CAMTA2: variants seen among roughly 807,000 people sequenced by gnomAD.
CAMTA2 encodes calmodulin binding transcription activator 2, also known as calmodulin-binding transcription activator 2.
In CAMTA2, 56 loss-of-function variants were observed where a neutral mutation model predicts 135.7. The ratio of observed to expected loss-of-function variants is 0.41; its 90% CI spans 0.33 to 0.52. CAMTA2 has a LOEUF of 0.52. Ranked by LOEUF, CAMTA2 falls within the 20% of genes least tolerant of loss-of-function variation. The pLI, the probability that CAMTA2 is intolerant of heterozygous loss-of-function variation, is 0.16. For missense variants in CAMTA2, 1,358 were observed against 1,553.4 expected (o/e 0.87, Z 2.11); for synonymous variants, 591 against 604.6 (o/e 0.98, Z 0.33).
intron 12 of CAMTA2, 124 bp downstream of exon 12, chr17:4,974,261 G>A: frequency 3.0e-6 from 2 of 674,078 alleles, no homozygotes; most frequent in African/African-American, 1.8e-5. Context: ...GTCAGGGAGA[G>A]GGAAGACAGG....
rs1286843485 is a variant in CAMTA2 at position 4,969,381 on chromosome 17, G to A, written c.3283-44C>T. Reference sequence around the variant, plus strand: ...GGGACAGGGGCTGAAATAGAGGGACGGAGACCCAAAGCCCTGAGGCTCACC... The same window carrying A: ...GGGACAGGGGCTGAAATAGAGGGACAGAGACCCAAAGCCCTGAGGCTCACC... On this transcript the variant is annotated intron_variant, in intron 20 of 22. Coordinates refer to ENST00000348066, the MANE Select transcript of CAMTA2 (RefSeq NM_015099.4). The surrounding 1 kb of genome is among the most constrained non-coding windows in gnomAD (Gnocchi z 5.6). The A allele has an allele frequency of 1.9e-5, 31 of 1,609,546 alleles. No homozygotes were observed. The highest frequency in any genetic ancestry group is 1.6e-4 in the Middle Eastern group (1 of 6,082).
At chr17:4,970,708 C>T (rs542362968) in intron 16 of CAMTA2, among the ~76,000 whole-genome samples, 172 bp from the exon 17 acceptor site, 1 of 152,180 alleles carries the variant, frequency 6.6e-6, no homozygotes, top group Non-Finnish European at 1.5e-5. Flanking sequence ...ACTTGGGGGT[C>T]CCTCTGTGCT....
Position 4,981,117 on chromosome 17 carries a change from G to C in CAMTA2, c.700+108C>G, listed in dbSNP as rs549663383. On this transcript the variant is annotated intron_variant, in intron 8 of 22. Transcript: ENST00000348066. Reference sequence around the variant, plus strand: ...GCCCATCTTTCTGGGACATGCAAAAGACTTGCAAATCAGCATGCAAATCCC... The same window carrying C: ...GCCCATCTTTCTGGGACATGCAAAACACTTGCAAATCAGCATGCAAATCCC... 3.7e-6 allele frequency: 5 copies of C among 1,358,350 alleles called. No homozygotes were observed. The African/African-American group carries it at 5.8e-5, about 16-fold the overall frequency. The allele number at this position is 1,358,350 out of a possible 1,614,324, so 84.1% of individuals were successfully genotyped here. A position where few individuals can be genotyped will look rare whatever the true frequency, so the allele number is the denominator to read the frequency against.
In CAMTA2 at chr17:4,977,115, G is replaced by T; in HGVS notation, c.1843C>A (p.Arg615=). Residue 615 remains arginine, a synonymous_variant, in exon 11 of 23, where the codon CGA becomes AGA. Transcript: ENST00000348066. The stretch of plus-strand genomic sequence containing the variant: ...GGCAGAGACAGGAATCGGCGGGCTC[G>T]ATACTCAAAGAGCACAGAAGCAGAA... ...PLSASVLFEY[R]ARRFLSLPST... The T allele has an allele frequency of 1.9e-6, 3 of 1,614,054 alleles. No homozygotes were observed.
chr17:4,978,392 T>A (rs963777935), intron 10 of CAMTA2, 112 bp downstream of exon 10: 2 of 1,176,716 alleles, frequency 1.7e-6, no homozygotes, highest in Non-Finnish European at 2.4e-6. Flanking sequence ...GAAGTCCTTG[T>A]GCTCTCAAAA....
At chr17:4,972,635 C>G in intron 15 of CAMTA2, 99 bp from the exon 16 acceptor site, 2 of 1,462,312 alleles carry the variant, frequency 1.4e-6, no homozygotes, top group Non-Finnish European at 1.9e-6. Flanking sequence ...CCCGTCTGTT[C>G]TTGCTTCTGT....
rs765197564 is a variant in CAMTA2 at position 4,979,748 on chromosome 17, G to T, written c.1574C>A (p.Thr525Asn). ...SDEAPSIPAP[T>N]PQLSPALSTI... is the part of the protein sequence containing the mutation. ...GCTAAGAGCAGGAGACAGCTGGGGGGTCGGAGCAGGGATGCTTGGAGCTTC... is the reference window on the plus strand; with the variant it reads ...GCTAAGAGCAGGAGACAGCTGGGGGTTCGGAGCAGGGATGCTTGGAGCTTC... Residue 525 changes from threonine to asparagine, a missense_variant, in exon 9 of 23, where the codon ACC becomes AAC. Thr to Asn is a moderately conservative substitution (Grantham distance 65). Transcript: ENST00000348066. 8.7e-6 allele frequency: 14 copies of T among 1,614,120 alleles called. No individual in the cohort carries two copies. In the South Asian group the frequency reaches 1.4e-4, roughly 16 times the overall value.
intron 5 of CAMTA2, 101 bp from the exon 6 acceptor site, chr17:4,982,261 T>C (rs546396950): frequency 1.0e-5 from 9 of 871,032 alleles, no homozygotes; most frequent in Admixed American, 3.6e-5. Context: ...CACCAGTTCC[T>C]CTTCAACCCT....
Position 4,987,203 on chromosome 17 carries a change from G to A in CAMTA2, c.-65+390C>T. 3 of 1,335,652 alleles carry A rather than the reference G, an allele frequency of 2.2e-6. No individual in the cohort carries two copies. The East Asian group carries it at 9.3e-5, about 41-fold the overall frequency. The allele number at this position is 1,335,652 out of a possible 1,614,324, so 82.7% of individuals were successfully genotyped here. ...GGAGCGGGTCCTTGGGCTGCACTTG[G>A]GCGGCGCCGGATCGGACGCTTGGCA... On this transcript the variant is annotated intron_variant, in intron 1 of 22. Transcript: ENST00000348066.
At position 4,987,649 on chromosome 17, in the gene CAMTA2, C is replaced by A. The variant is rs761448128; in HGVS notation, c.-121G>T. ...GGCCATTCTACCCCACACCGACCCC[C>A]CCCAGCGCCGGCTGACAGCGGCGTC... On this transcript the variant is annotated 5_prime_UTR_variant, in exon 1 of 23. Transcript: ENST00000348066. The A allele has an allele frequency of 5.9e-6, 9 of 1,522,194 alleles. No individual in the cohort carries two copies. Among genetic ancestry groups the A allele is most frequent in the Non-Finnish European group, 7.0e-6 (8 of 1,140,040 alleles). The allele number at this position is 1,522,194 out of a possible 1,614,324, so 94.3% of individuals were successfully genotyped here. A position where few individuals can be genotyped will look rare whatever the true frequency, so the allele number is the denominator to read the frequency against.
chr17:4,983,263 C>A, intron 3 of CAMTA2: 1 of 514,732 alleles, frequency 1.9e-6, no homozygotes. Flanking sequence ...TTTTACTCTC[C>A]AAAAATCTCA....
chr17:4,973,871 C>T, intron 12 of CAMTA2, 102 bp from the exon 13 acceptor site: 1 of 1,013,820 alleles, frequency 9.9e-7, no homozygotes, highest in Non-Finnish European at 1.4e-6. Context: ...CTAATTTTGC[C>T]CCCTCCCCAC....
In CAMTA2 at chr17:4,980,652, G is replaced by C. The variant is rs1461891015; in HGVS notation, c.701-31C>G. ...GTGGAGAGGAGTAGGAGGGAGAGGA[G>C]ATAAGACACATCATTCCGCACCTTC... On this transcript the variant is annotated intron_variant, in intron 8 of 22. Transcript: ENST00000348066. This position sits in a 1 kb window ranked among gnomAD's most constrained non-coding sequence, Gnocchi z 5.3. The C allele has an allele frequency of 6.5e-7, 1 of 1,545,400 alleles. No individual in the cohort carries two copies. The highest frequency in any genetic ancestry group is 2.2e-5 in the East Asian group (1 of 44,584).
chr17:4,986,880 G>A (rs1232577710), intron 1 of CAMTA2: 6 of 1,216,160 alleles, frequency 4.9e-6, no homozygotes, highest in Admixed American at 4.0e-5. Flanking sequence ...CCCACCCTCC[G>A]GCTGACAGCC....
intron 16 of CAMTA2, among the ~76,000 whole-genome samples, chr17:4,971,090 C>T (rs1325202815): frequency 6.6e-6 from 1 of 152,240 alleles, no homozygotes; most frequent in Non-Finnish European, 1.5e-5. Context: ...ATTAGTCTCT[C>T]TAAAGCAGGT....
rs748070820 is a variant in CAMTA2 at position 4,973,582 on chromosome 17, C to T, written c.2201+3G>A. ...CAGCCCTCACCCAGCTGCCCTTGCT[C>T]ACCGCCACTGGCTCAGGGTCTCGAT... is the stretch of plus-strand genomic sequence containing the variant. On this transcript the variant is annotated splice_donor_region_variant and intron_variant, in intron 13 of 22. Coordinates refer to ENST00000348066, the MANE Select transcript of CAMTA2 (RefSeq NM_015099.4). 6.2e-6 allele frequency: 10 copies of T among 1,610,104 alleles called. No homozygotes were observed. In the Admixed American group the frequency reaches 1.7e-4, roughly 27 times the overall value.
chr17:4,971,576 C>A (rs1352043839), intron 16 of CAMTA2, among the ~76,000 whole-genome samples: 1 of 152,116 alleles, frequency 6.6e-6, no homozygotes, highest in Non-Finnish European at 1.5e-5. Flanking sequence ...AGCCCCTGTT[C>A]TCAAGTGATC....
chr17:4,981,569 C>G, intron 7 of CAMTA2, 109 bp downstream of exon 7: 1 of 1,379,374 alleles, frequency 7.2e-7, no homozygotes, highest in East Asian at 2.3e-5. Flanking sequence ...ACCCTCCCAG[C>G]TTGGAGGGAG....
In CAMTA2 at chr17:4,980,995, A is replaced by G. The variant is rs1255610331; in HGVS notation, c.700+230T>C. On this transcript the variant is annotated intron_variant, in intron 8 of 22. Coordinates refer to ENST00000348066, the MANE Select transcript of CAMTA2 (RefSeq NM_015099.4). This position sits in a 1 kb window ranked among gnomAD's most constrained non-coding sequence, Gnocchi z 5.3. ...GGTGCTGAGGGGACAGGAATTGCTG[A>G]AGGTAGAAGACAGGAAGGGCAGAGG... Among the ~76,000 whole-genome samples, 1 of 152,214 alleles carries G rather than the reference A, an allele frequency of 6.6e-6. No individual in the cohort carries two copies. The highest frequency in any genetic ancestry group is 1.5e-5 in the Non-Finnish European group (1 of 68,032).
Sources: allele counts gnomAD v4.1 joint callset (sites outside exome capture counted in the v4.1 genomes callset), GRCh38; gene constraint gnomAD v4.1.1; non-coding constraint Gnocchi (gnomAD v3.1); transcripts MANE v1.5; gene names NCBI Gene and HGNC (gene_info 2026-07-23, HGNC 2026-07-21).